The following ZCCHC7 variants were observed in gnomAD, a reference collection of about 807,000 sequenced individuals.
ZCCHC7 encodes zinc finger CCHC-type containing 7.
In ZCCHC7, 35 loss-of-function variants were observed where a neutral mutation model predicts 52.0. That is an observed-to-expected ratio of 0.67 (90% CI 0.51 to 0.89). The LOEUF (loss-of-function observed/expected upper bound fraction) is 0.89. Ranked by LOEUF, ZCCHC7 falls within the 40% of genes least tolerant of loss-of-function variation. The pLI is 0.00. For synonymous variants in ZCCHC7, 217 were observed against 221.5 expected (o/e 0.98, Z 0.18); for missense variants, 574 against 649.1 (o/e 0.88, Z 1.26).
intron 2 of ZCCHC7, among the ~76,000 whole-genome samples, chr9:37,230,529 A>G (rs138544644): frequency 3.3e-5 from 5 of 152,358 alleles, no homozygotes; most frequent in Non-Finnish European, 7.3e-5. Context: ...GAATGTATAT[A>G]TAGAAAAGAT....
intron 4 of ZCCHC7, among the ~76,000 whole-genome samples, chr9:37,304,534 G>A (rs938591934): frequency 1.3e-5 from 2 of 152,100 alleles, no homozygotes; most frequent in Non-Finnish European, 2.9e-5. Flanking sequence ...GCGGGCGCCT[G>A]TAGTCCCAGC....
chr9:37,303,110 G>C (rs762693558), intron 3 of ZCCHC7, among the ~76,000 whole-genome samples: 4 of 152,100 alleles, frequency 2.6e-5, no homozygotes, highest in African/African-American at 4.8e-5. Flanking sequence ...GAAAAACATG[G>C]TGTACATTCA....
chr9:37,184,190 T>G (rs1490366874), intron 2 of ZCCHC7, among the ~76,000 whole-genome samples: 1 of 152,222 alleles, frequency 6.6e-6, no homozygotes, highest in East Asian at 1.9e-4. Context: ...GCTAATTCCT[T>G]ACTGTTTTTG....
chr9:37,162,093 T>A (rs1156409856), intron 2 of ZCCHC7, among the ~76,000 whole-genome samples: 1 of 152,180 alleles, frequency 6.6e-6, no homozygotes, highest in Admixed American at 6.5e-5. Flanking sequence ...AATAAAAACC[T>A]ATGTGTAAAC....
intron 7 of ZCCHC7, among the ~76,000 whole-genome samples, chr9:37,351,097 GAACAGAATCCATA>G (rs1468750910): frequency 6.6e-6 from 1 of 152,128 alleles, no homozygotes; most frequent in African/African-American, 2.4e-5. Flanking sequence ...GAAAAGTGCT[GAACAGAATCCATA>G]AACAGATAAA....
At chr9:37,188,221 A>C (rs1186414819) in intron 2 of ZCCHC7, among the ~76,000 whole-genome samples, 1 of 151,866 alleles carries the variant, frequency 6.6e-6, no homozygotes, top group African/African-American at 2.4e-5. Flanking sequence ...TGTGATCACA[A>C]CTCACTGCTG....
chr9:37,276,093 A>T (rs564839628), intron 2 of ZCCHC7, among the ~76,000 whole-genome samples: 182 of 152,252 alleles, frequency 1.2e-3, no homozygotes, highest in African/African-American at 4.2e-3. Flanking sequence ...GTAGTATTTT[A>T]TTTTGGCTTT....
intron 1 of ZCCHC7, among the ~76,000 whole-genome samples, chr9:37,125,301 C>T (rs1051852137): frequency 6.6e-6 from 1 of 152,196 alleles, no homozygotes; most frequent in African/African-American, 2.4e-5. Flanking sequence ...TACAGGTTTG[C>T]ACTGCCATGC....
At chr9:37,129,604 A>C (rs983770954) in intron 2 of ZCCHC7, among the ~76,000 whole-genome samples, 1 of 152,218 alleles carries the variant, frequency 6.6e-6, no homozygotes, top group Non-Finnish European at 1.5e-5. Flanking sequence ...AAGTGTAGAG[A>C]AAATCTCAAG....
chr9:37,183,887 A>C (rs1019328582), intron 2 of ZCCHC7, among the ~76,000 whole-genome samples: 1 of 152,222 alleles, frequency 6.6e-6, no homozygotes, highest in Admixed American at 6.5e-5. Flanking sequence ...CAACAATGCT[A>C]TTCCGCCCTC....
intron 2 of ZCCHC7, among the ~76,000 whole-genome samples, chr9:37,269,533 C>T (rs1262382872): frequency 1.4e-5 from 2 of 142,666 alleles, no homozygotes; most frequent in African/African-American, 2.6e-5. Context: ...GCAGGAGGAT[C>T]GCTTGAACTG....
At chr9:37,327,154 G>A (rs1268352505) in intron 5 of ZCCHC7, 1 of 152,142 alleles carries the variant, frequency 6.6e-6, no homozygotes, top group African/African-American at 2.4e-5. Flanking sequence ...ACCTATTCTA[G>A]TTTCAATTAG....
chr9:37,171,976 T>G (rs1044229011), intron 2 of ZCCHC7, among the ~76,000 whole-genome samples: 1 of 152,206 alleles, frequency 6.6e-6, no homozygotes, highest in Non-Finnish European at 1.5e-5. Flanking sequence ...GATCTTGACC[T>G]GGTTGATTTT....
At chr9:37,123,941 T>A (rs757789707) in intron 1 of ZCCHC7, among the ~76,000 whole-genome samples, 1 of 152,206 alleles carries the variant, frequency 6.6e-6, no homozygotes, top group Non-Finnish European at 1.5e-5. Context: ...AGGTATATGA[T>A]ACCCTTTAGA....
At chr9:37,127,430 G>A (rs1176221561) in intron 2 of ZCCHC7, among the ~76,000 whole-genome samples, 2 of 152,124 alleles carry the variant, frequency 1.3e-5, no homozygotes, top group Admixed American at 6.6e-5. Flanking sequence ...AGGATTTTAG[G>A]TACTCCACAG....
chr9:37,138,094 A>G (rs989851813), intron 2 of ZCCHC7, among the ~76,000 whole-genome samples: 1 of 152,074 alleles, frequency 6.6e-6, no homozygotes, highest in African/African-American at 2.4e-5. Context: ...CTGCTTTTGA[A>G]CTGTGTCTTT....
chr9:37,172,481 A>G (rs775537790), intron 2 of ZCCHC7, among the ~76,000 whole-genome samples: 18 of 152,244 alleles, frequency 1.2e-4, no homozygotes, highest in Non-Finnish European at 2.4e-4. Context: ...ATATTTATGG[A>G]CCATTCATAG....
chr9:37,293,566 G>T (rs1019659256), intron 2 of ZCCHC7, among the ~76,000 whole-genome samples: 2 of 151,992 alleles, frequency 1.3e-5, no homozygotes, highest in East Asian at 3.8e-4. Context: ...TTTGCCTTTT[G>T]TGGACAGTTG....
intron 2 of ZCCHC7, among the ~76,000 whole-genome samples, chr9:37,247,789 GCCTATAGTC>G (rs1564201148): frequency 2.0e-5 from 3 of 151,996 alleles, no homozygotes; most frequent in Non-Finnish European, 2.9e-5. Flanking sequence ...GGTGGCATGT[GCCTATAGTC>G]CCAACTAAGT....
Sources: gnomAD v4.1 joint callset for allele counts (sites outside exome capture counted in the v4.1 genomes callset) on GRCh38, gnomAD v4.1.1 for gene constraint, MANE v1.5 for transcripts, NCBI Gene and HGNC (gene_info 2026-07-23, HGNC 2026-07-21) for gene names.